The following DDX10 variants were observed in gnomAD, a reference collection of about 807,000 sequenced individuals.
DDX10 encodes DEAD-box helicase 10.
Under a neutral mutation model 104.3 loss-of-function variants are expected in DDX10, and 74 were observed. The observed-to-expected ratio is 0.71, with a 90% CI of 0.59 to 0.86. The LOEUF (loss-of-function observed/expected upper bound fraction) is 0.86, where lower values mean the gene tolerates loss of function less well. DDX10 is among the 40% of genes least tolerant of loss of function. The pLI is 0.00. For missense variants in DDX10, 952 were observed against 1,040.0 expected (o/e 0.92, Z 1.16); for synonymous variants, 351 against 353.4 (o/e 0.99, Z 0.08).
At position 108,808,683 on chromosome 11, in the gene DDX10, A is replaced by T. The variant is rs1055431287; in HGVS notation, c.1966-29763A>T. Among the ~76,000 whole-genome samples the T allele has an allele frequency of 1.5e-4, 23 of 152,250 alleles. 3 individuals are homozygous for T. The highest frequency in any genetic ancestry group is 1.3e-3 in the Admixed American group (20 of 15,288). On this transcript the variant is annotated intron_variant, in intron 13 of 17. Coordinates refer to ENST00000322536, the MANE Select transcript of DDX10 (RefSeq NM_004398.4). ...AGCAACAGGCTACATTTTGAAAAAG[A>T]TTTACTCATCTACCCAGCCAGCCAT... is the stretch of plus-strand genomic sequence containing the variant.
At chr11:108,685,892 C>G (rs1023758209) in intron 6 of DDX10, among the ~76,000 whole-genome samples, 3 of 151,544 alleles carry the variant, frequency 2.0e-5, no homozygotes, top group African/African-American at 7.3e-5. Flanking sequence ...CTTTGCATTT[C>G]TCTTTTTCTC....
Position 108,824,199 on chromosome 11 carries a change from C to A in DDX10, c.1966-14247C>A, listed in dbSNP as rs570994628. On this transcript the variant is annotated intron_variant, in intron 13 of 17. Transcript: ENST00000322536. ...CTGGGATTGCAGGTGCTCACCACCACGCATGGCTAATTTTTGTGTCTTTAG... is the reference window on the plus strand; with the variant it reads ...CTGGGATTGCAGGTGCTCACCACCAAGCATGGCTAATTTTTGTGTCTTTAG... Among the ~76,000 whole-genome samples the A allele has an allele frequency of 5.3e-5, 8 of 152,278 alleles. No homozygotes were observed. The South Asian group carries it at 1.7e-3, about 32-fold the overall frequency.
At chr11:108,908,642 T>G (rs1591120777) in intron 16 of DDX10, among the ~76,000 whole-genome samples, 1 of 152,340 alleles carries the variant, frequency 6.6e-6, no homozygotes, top group South Asian at 2.1e-4. Flanking sequence ...TTAGGAAATT[T>G]GTTTTAAAAA....
At chr11:108,864,694 A>C (rs1436708126) in intron 16 of DDX10, among the ~76,000 whole-genome samples, 1 of 152,058 alleles carries the variant, frequency 6.6e-6, no homozygotes, top group Non-Finnish European at 1.5e-5. Context: ...TCCTGGACTC[A>C]CGTGATCCTC....
Position 108,689,001 on chromosome 11 carries a change from A to G in DDX10, c.914A>G (p.Tyr305Cys), listed in dbSNP as rs1055841681. 1 of 1,613,962 alleles carries G rather than the reference A, an allele frequency of 6.2e-7. No homozygotes were observed. The highest frequency in any genetic ancestry group is 1.7e-5 in the Admixed American group (1 of 60,010). Residue 305 changes from tyrosine to cysteine, a missense_variant, in exon 7 of 18, where the codon TAT (tyrosine) becomes TGT (cysteine). By Grantham distance (194) the Tyr-to-Cys change is radical. Coordinates refer to ENST00000322536, the MANE Select transcript of DDX10 (RefSeq NM_004398.4). ...CELQQKISVL[Y>C]SFLRSHLKKK... ...CTGCAGCAAAAAATAAGTGTGCTGT[A>G]TTCCTTTTTGAGAAGCCATCTGAAG...
intron 15 of DDX10, among the ~76,000 whole-genome samples, chr11:108,843,488 G>A (rs1329191441): frequency 2.0e-5 from 3 of 151,158 alleles, no homozygotes; most frequent in African/African-American, 7.3e-5. Context: ...GGCTGGGCGC[G>A]GTGGCTCACA....
chr11:108,776,621 T>C (rs1591815372), intron 13 of DDX10, among the ~76,000 whole-genome samples: 1 of 152,258 alleles, frequency 6.6e-6, no homozygotes, highest in Middle Eastern at 3.4e-3. Flanking sequence ...AAATTATTAG[T>C]TGACATTAAG....
chr11:108,780,559 A>G (rs1485177387), intron 13 of DDX10, among the ~76,000 whole-genome samples: 1 of 152,134 alleles, frequency 6.6e-6, no homozygotes, highest in African/African-American at 2.4e-5. Flanking sequence ...GGAGATCCTT[A>G]TCCAGTGCTA....
At chr11:108,794,083 T>C (rs948503620) in intron 13 of DDX10, among the ~76,000 whole-genome samples, 1 of 152,204 alleles carries the variant, frequency 6.6e-6, no homozygotes, top group Non-Finnish European at 1.5e-5. Flanking sequence ...CATCCCTTGA[T>C]GGATACTTAG....
intron 16 of DDX10, among the ~76,000 whole-genome samples, chr11:108,882,254 C>T (rs1863236862): frequency 6.6e-6 from 1 of 152,172 alleles, no homozygotes; most frequent in Non-Finnish European, 1.5e-5. Context: ...GGTGTTTGTT[C>T]AAAATATGCC....
In DDX10 at chr11:108,715,920, A is replaced by T. The variant is rs766032195; in HGVS notation, c.1364A>T (p.Glu455Val). ...CTTATAGATGTCCAGAAAAAATTGG[A>T]ATCTATTTTAGCTCAAGATCAAGAT... The part of the protein sequence containing the change: ...EKLIDVQKKL[E>V]SILAQDQDLK... The change falls in exon 11 of 18, where the codon GAA becomes GTA. Residue 455 changes from glutamate (E) to valine (V), a missense_variant. Physicochemically the swap from Glu to Val is moderately radical, Grantham distance 121 (BLOSUM62 -2). Around this residue, in one of 3 missense-constraint regions of DDX10, gnomAD observed 533 missense variants for 534.1 expected, o/e 1.00. Coordinates refer to ENST00000322536, the MANE Select transcript of DDX10 (RefSeq NM_004398.4). The T allele has an allele frequency of 4.5e-6, 7 of 1,567,798 alleles. No homozygotes were observed. Among genetic ancestry groups the T allele is most frequent in the Middle Eastern group, 3.5e-4 (2 of 5,708 alleles).
chr11:108,672,018 G>A (rs1591786690), intron 1 of DDX10, among the ~76,000 whole-genome samples: 1 of 137,734 alleles, frequency 7.3e-6, no homozygotes, highest in East Asian at 2.2e-4. Flanking sequence ...CCAAGTTCGC[G>A]CCACTGCACT....
chr11:108,732,565 G>A (rs972665890), intron 13 of DDX10, among the ~76,000 whole-genome samples: 2 of 152,202 alleles, frequency 1.3e-5, no homozygotes, highest in Non-Finnish European at 2.9e-5. Context: ...CTTCTGGAAT[G>A]CTGCCTTGTC....
At chr11:108,739,579 T>C (rs1454385709) in intron 13 of DDX10, among the ~76,000 whole-genome samples, 1 of 152,266 alleles carries the variant, frequency 6.6e-6, no homozygotes, top group African/African-American at 2.4e-5. Flanking sequence ...CTGTTGAGTG[T>C]AATGAGTGAA....
At position 108,678,296 on chromosome 11, in the gene DDX10, A is replaced by AAT. The variant is rs749716322; in HGVS notation, c.538-17_538-16dup. 14 of 1,605,360 alleles carry AAT rather than the reference A, an allele frequency of 8.7e-6. No individual in the cohort carries two copies. Among genetic ancestry groups the AAT allele is most frequent in the Non-Finnish European group, 1.2e-5 (14 of 1,177,126 alleles). On this transcript the variant is annotated intron_variant, in intron 4 of 17. Transcript: ENST00000322536. ...GAGAGTGATGTGTCTGTGTAATCAA[A>AAT]ATAAATAACTGTTTTCAGGATCTAA...
chr11:108,918,665 C>G (rs925927448), intron 17 of DDX10: 1 of 152,042 alleles, frequency 6.6e-6, no homozygotes, highest in Non-Finnish European at 1.5e-5. Flanking sequence ...TAATGGAACA[C>G]TTGTACAGAA....
intron 16 of DDX10, among the ~76,000 whole-genome samples, chr11:108,858,900 G>C (rs1862905543): frequency 1.3e-5 from 2 of 152,140 alleles, no homozygotes; most frequent in African/African-American, 4.8e-5. Context: ...GTCAGCTTTG[G>C]AACTGAATGC....
intron 11 of DDX10, among the ~76,000 whole-genome samples, chr11:108,718,807 G>C (rs2094294815): frequency 6.6e-6 from 1 of 152,190 alleles, no homozygotes; most frequent in Non-Finnish European, 1.5e-5. Flanking sequence ...AAGCAACTGA[G>C]GTGATTGCTT....
intron 16 of DDX10, among the ~76,000 whole-genome samples, chr11:108,888,673 C>T (rs1269654915): frequency 6.6e-6 from 1 of 152,076 alleles, no homozygotes; most frequent in East Asian, 1.9e-4. Context: ...TTGGCTTAAA[C>T]TAAAGCATTT....
Sources: gnomAD v4.1 joint callset for allele counts (sites outside exome capture counted in the v4.1 genomes callset) on GRCh38, gnomAD v4.1.1 for gene constraint, gnomAD v4.1.1 regional missense constraint, MANE v1.5 for transcripts, NCBI Gene and HGNC (gene_info 2026-07-23, HGNC 2026-07-21) for gene names.